Variants in JAKMIP1 observed in about 807,000 individuals in gnomAD.
JAKMIP1 encodes the protein janus kinase and microtubule interacting protein 1, also known as janus kinase and microtubule-interacting protein 1.
In JAKMIP1, 33 loss-of-function variants were observed where a neutral mutation model predicts 113.0. The ratio of observed to expected loss-of-function variants is 0.29; its 90% CI spans 0.22 to 0.39. The LOEUF (loss-of-function observed/expected upper bound fraction) is 0.39, where lower values mean the gene tolerates loss of function less well. JAKMIP1 is among the 10% of genes least tolerant of loss of function. JAKMIP1 has a pLI of 1.00. For missense variants in JAKMIP1, 813 were observed against 1,080.5 expected, an observed-to-expected ratio of 0.75 and a Z score of 3.47; for synonymous variants, 480 against 459.9, an observed-to-expected ratio of 1.04 and a Z score of -0.56.
rs1726833686 is a variant in JAKMIP1 at position 6,188,007 on chromosome 4, T to A, written c.-148+12246A>T. Among the ~76,000 whole-genome samples, 1 of 152,240 alleles carries A rather than the reference T, an allele frequency of 6.6e-6. No homozygotes were observed. Among genetic ancestry groups the A allele is most frequent in the African/African-American group, 2.4e-5 (1 of 41,458 alleles). ...GGAGCAAGGACTTCAAAGAGGTATT[T>A]CTTTTAAATGTAGATAGCAGAATTA... On this transcript the variant is annotated intron_variant, in intron 1 of 20. Transcript: ENST00000409021. This position sits in a 1 kb window ranked among gnomAD's most constrained non-coding sequence, Gnocchi z 5.8.
Position 6,080,711 on chromosome 4 carries a change from G to C in JAKMIP1, c.1102-399C>G, listed in dbSNP as rs1474120822. 6.6e-6 allele frequency among the ~76,000 whole-genome samples: 1 copy of C among 152,126 alleles called. No individual in the cohort carries two copies. The highest frequency in any genetic ancestry group is 2.4e-5 in the African/African-American group (1 of 41,414). ...GAGGCCTCCCCAGCCACGTGAAACT[G>C]TGAGTCCATTAAACCTCTTTTTCTT... is the stretch of plus-strand genomic sequence containing the variant. On this transcript the variant is annotated intron_variant, in intron 6 of 20. Coordinates refer to ENST00000409021, the MANE Select transcript of JAKMIP1 (RefSeq NM_001099433.2). The surrounding 1 kb of genome is among the most constrained non-coding windows in gnomAD (Gnocchi z 6.0).
intron 1 of JAKMIP1, among the ~76,000 whole-genome samples, chr4:6,149,490 G>T (rs912308250): frequency 6.6e-6 from 1 of 152,140 alleles, no homozygotes; most frequent in Admixed American, 6.5e-5. Flanking sequence ...CGAGACCAGC[G>T]AGTAAGAAAT....
At chr4:6,095,613 C>T (rs1033257668) in intron 3 of JAKMIP1, among the ~76,000 whole-genome samples, 2 of 152,120 alleles carry the variant, frequency 1.3e-5, no homozygotes, top group Admixed American at 6.5e-5. Context: ...CTCAGAAACT[C>T]GAGGCAGCAA....
rs1323784881 is a variant in JAKMIP1 at position 6,081,222 on chromosome 4, T to C, written c.1101+387A>G. On this transcript the variant is annotated intron_variant, in intron 6 of 20. Transcript: ENST00000409021. This position sits in a 1 kb window ranked among gnomAD's most constrained non-coding sequence, Gnocchi z 4.6. ...TCTGCAGAGCATCGCCAGCGATCAT[T>C]GTAACAGCTTTCACTTGCTGGGTGT... Among the ~76,000 whole-genome samples, 2 of 152,218 alleles carry C rather than the reference T, an allele frequency of 1.3e-5. No individual in the cohort carries two copies. Among genetic ancestry groups the C allele is most frequent in the Non-Finnish European group, 1.5e-5 (1 of 68,042 alleles).
At chr4:6,092,864 G>C (rs1363125739) in intron 3 of JAKMIP1, among the ~76,000 whole-genome samples, 1 of 152,172 alleles carries the variant, frequency 6.6e-6, no homozygotes, top group Non-Finnish European at 1.5e-5. Flanking sequence ...GTGGGCACAA[G>C]GTGTTTGCTT....
Position 6,026,200 on chromosome 4 carries a change from A to T in JAKMIP1, c.*28T>A. ...TCATCTGCGAAAAGGAAAGGATACC[A>T]ACCCGAGTTCTTGGCTCACTGAAGT... On this transcript the variant is annotated 3_prime_UTR_variant, in exon 21 of 21. Coordinates refer to ENST00000409021, the MANE Select transcript of JAKMIP1 (RefSeq NM_001099433.2). The T allele has an allele frequency of 1.3e-6, 2 of 1,546,366 alleles. No individual in the cohort carries two copies. The highest frequency in any genetic ancestry group is 1.7e-6 in the Non-Finnish European group (2 of 1,145,348).
Position 6,026,205 on chromosome 4 carries a change from G to T in JAKMIP1, c.*23C>A. 6.5e-7 allele frequency: 1 copy of T among 1,547,132 alleles called. No individual in the cohort carries two copies. Among genetic ancestry groups the T allele is most frequent in the Non-Finnish European group, 8.7e-7 (1 of 1,145,560 alleles). On this transcript the variant is annotated 3_prime_UTR_variant, in exon 21 of 21. Coordinates refer to ENST00000409021, the MANE Select transcript of JAKMIP1 (RefSeq NM_001099433.2). ...TGCGAAAAGGAAAGGATACCAACCC[G>T]AGTTCTTGGCTCACTGAAGTCATCA...
rs2108855719 is a variant in JAKMIP1 at position 6,097,857 on chromosome 4, G to C, written c.624+7616C>G. Among the ~76,000 whole-genome samples, 1 of 152,354 alleles carries C rather than the reference G, an allele frequency of 6.6e-6. No homozygotes were observed. The highest frequency in any genetic ancestry group is 1.9e-4 in the East Asian group (1 of 5,188). On this transcript the variant is annotated intron_variant, in intron 3 of 20. Transcript: ENST00000409021. This position sits in a 1 kb window ranked among gnomAD's most constrained non-coding sequence, Gnocchi z 4.3. ...CTTGATCAAAAGCACCCAAGACCAG[G>C]ATGTCAGGTTTTTGTCTGGCTTTGA...
chr4:6,050,557 G>A lies in JAKMIP1; in HGVS notation c.1908+21C>T. ...GAGCCCTTGGCTGGCATTCAGCAGA[G>A]GCACCCCCCAGGCACGCTACCTTAA... On this transcript the variant is annotated intron_variant, in intron 14 of 20. Coordinates refer to ENST00000409021, the MANE Select transcript of JAKMIP1 (RefSeq NM_001099433.2). The surrounding 1 kb of genome is among the most constrained non-coding windows in gnomAD (Gnocchi z 7.4). 2 of 1,537,502 alleles carry A rather than the reference G, an allele frequency of 1.3e-6. No homozygotes were observed. The highest frequency in any genetic ancestry group is 2.7e-5 in the African/African-American group (2 of 72,944).
intron 8 of JAKMIP1, among the ~76,000 whole-genome samples, chr4:6,072,095 C>T (rs891620850): frequency 6.6e-6 from 1 of 152,194 alleles, no homozygotes; most frequent in Non-Finnish European, 1.5e-5. Context: ...CCATGTTCAC[C>T]TTATCTTATG....
intron 3 of JAKMIP1, among the ~76,000 whole-genome samples, chr4:6,101,732 C>CAAAAAAAAAA (rs56084278): frequency 5.2e-5 from 5 of 96,566 alleles, no homozygotes; most frequent in African/African-American, 8.2e-5. Flanking sequence ...ACTAAAAATA[C>CAAAAAAAAAA]AAAAAAAAAA....
chr4:6,060,527 G>A lies in JAKMIP1; in HGVS notation c.1561-20C>T, dbSNP rs762801899. ...CCGAGTCTGGAAGGGAAAAGACCAG[G>A]CAGTGAGCAGGTCACCTCCAATGGG... is the stretch of plus-strand genomic sequence containing the variant. On this transcript the variant is annotated intron_variant, in intron 10 of 20. Transcript: ENST00000409021. 1.3e-5 allele frequency: 20 copies of A among 1,597,678 alleles called. No individual in the cohort carries two copies. The South Asian group carries it at 2.1e-4, about 17-fold the overall frequency.
rs1726405785 is a variant in JAKMIP1, at chr4:6,184,409, C to T, written c.-148+15844G>A. Among the ~76,000 whole-genome samples, 1 of 152,176 alleles carries T rather than the reference C, an allele frequency of 6.6e-6. No homozygotes were observed. Among genetic ancestry groups the T allele is most frequent in the African/African-American group, 2.4e-5 (1 of 41,456 alleles). On this transcript the variant is annotated intron_variant, in intron 1 of 20. Transcript: ENST00000409021. This position sits in a 1 kb window ranked among gnomAD's most constrained non-coding sequence, Gnocchi z 4.5. ...CAGACTCTGCCGCCTTCCCTCCTTT[C>T]CTAGAAATGACAATACAGCCCACAC...
At position 6,081,225 on chromosome 4, in the gene JAKMIP1, A is replaced by G. The variant is rs183644052; in HGVS notation, c.1101+384T>C. 1.0e-3 allele frequency among the ~76,000 whole-genome samples: 159 copies of G among 152,334 alleles called. No homozygotes were observed. The highest frequency in any genetic ancestry group is 3.7e-3 in the African/African-American group (155 of 41,564). The stretch of plus-strand genomic sequence containing the variant: ...GCAGAGCATCGCCAGCGATCATTGT[A>G]ACAGCTTTCACTTGCTGGGTGTCCT... On this transcript the variant is annotated intron_variant, in intron 6 of 20. Transcript: ENST00000409021. The surrounding 1 kb of genome is among the most constrained non-coding windows in gnomAD (Gnocchi z 4.6).
chr4:6,197,285 A>G lies in JAKMIP1; in HGVS notation c.-148+2968T>C, dbSNP rs1008937069. Among the ~76,000 whole-genome samples the G allele has an allele frequency of 3.9e-5, 6 of 152,260 alleles. No individual in the cohort carries two copies. The South Asian group carries it at 8.3e-4, about 21-fold the overall frequency. The stretch of plus-strand genomic sequence containing the variant: ...CCCTCATACCTCTCAGCCCACCACA[A>G]TGGTGGCCACTGCTCTGATCATTAG... On this transcript the variant is annotated intron_variant, in intron 1 of 20. Transcript: ENST00000409021. This position sits in a 1 kb window ranked among gnomAD's most constrained non-coding sequence, Gnocchi z 6.5.
intron 1 of JAKMIP1, among the ~76,000 whole-genome samples, chr4:6,191,891 C>T (rs941029313): frequency 8.8e-5 from 13 of 147,242 alleles, no homozygotes; most frequent in African/African-American, 3.0e-4. Context: ...TTTTTTCATA[C>T]GTCTTCAAGC....
chr4:6,078,834 C>T, intron 8 of JAKMIP1, 105 bp downstream of exon 8: 1 of 1,021,584 alleles, frequency 9.8e-7, no homozygotes, highest in Non-Finnish European at 1.5e-6. Context: ...ATGTGTGTGT[C>T]TGCTTCAGGA....
At chr4:6,057,903 C>T (rs942201095) in intron 11 of JAKMIP1, among the ~76,000 whole-genome samples, 3 of 152,250 alleles carry the variant, frequency 2.0e-5, no homozygotes, top group African/African-American at 7.2e-5. Flanking sequence ...GGTGGAGGCA[C>T]CTGGCCGGGA....
intron 1 of JAKMIP1, among the ~76,000 whole-genome samples, chr4:6,144,857 T>C (rs1578374466): frequency 6.6e-6 from 1 of 152,296 alleles, no homozygotes. Flanking sequence ...CTATTCAACA[T>C]TGGACTTGAG....
Sources: gnomAD v4.1 joint callset for allele counts (sites outside exome capture counted in the v4.1 genomes callset) on GRCh38, gnomAD v4.1.1 for gene constraint, Gnocchi (gnomAD v3.1) non-coding constraint, MANE v1.5 for transcripts, NCBI Gene and HGNC (gene_info 2026-07-23, HGNC 2026-07-21) for gene names.